LRRC27: variants seen among roughly 807,000 people sequenced by gnomAD.
The protein encoded by LRRC27 is leucine-rich repeat-containing protein 27.
A neutral mutation model predicts 55.0 loss-of-function variants in LRRC27; 57 were observed. The ratio of observed to expected loss-of-function variants is 1.04; its 90% confidence interval spans 0.84 to 1.29. The LOEUF is 1.29. LRRC27 is among the 50% of genes most tolerant of loss of function. LRRC27 has a pLI of 0.00. For missense variants in LRRC27, 721 were observed against 651.5 expected (o/e 1.11, Z -1.16); for synonymous variants, 278 against 251.9 (o/e 1.10, Z -0.98).
chr10:132,337,235 G>A lies in LRRC27; in HGVS notation c.211-330G>A, dbSNP rs921405936. 11 of 1,180,884 alleles carry A rather than the reference G, an allele frequency of 9.3e-6. No homozygotes were observed. In the Admixed American group the frequency reaches 2.3e-4, roughly 24 times the overall value. The allele number at this position is 1,180,884 out of a possible 1,614,324, so 73.2% of individuals were successfully genotyped here. On this transcript the variant is annotated intron_variant, in intron 2 of 10. Coordinates refer to ENST00000368614, the MANE Select transcript of LRRC27 (RefSeq NM_030626.3). ...TGCGGCAGGCACTGGAGAAACGGCC[G>A]AGACACTGAGTGTGGGGCCCCGGAA...
At chr10:132,333,432 C>G in intron 1 of LRRC27, 45 bp from the exon 2 acceptor site, 1 of 864,376 alleles carries the variant, frequency 1.2e-6, no homozygotes, top group Non-Finnish European at 1.7e-6. Context: ...TGTTTTGCCT[C>G]GGTATAATTA....
At chr10:132,349,106 C>T in intron 6 of LRRC27, 2 of 1,273,402 alleles carry the variant, frequency 1.6e-6, no homozygotes, top group South Asian at 1.3e-5. Flanking sequence ...GTGTGTGTGC[C>T]TGTGTGTGTG....
rs1304691974 is a variant in LRRC27 at position 132,380,136 on chromosome 10, A to C, written c.*4894A>C. Among the ~76,000 whole-genome samples, 1 of 152,158 alleles carries C rather than the reference A, an allele frequency of 6.6e-6. No homozygotes were observed. On this transcript the variant is annotated 3_prime_UTR_variant, in exon 11 of 11. Coordinates refer to ENST00000368614, the MANE Select transcript of LRRC27 (RefSeq NM_030626.3). ...ACATGGAGAAACCCCGTGACTACTA[A>C]AAATAAAAAATTAGCCAGGCATGGT...
chr10:132,352,963 G>A, intron 7 of LRRC27: 1 of 1,613,752 alleles, frequency 6.2e-7, no homozygotes, highest in Non-Finnish European at 8.5e-7. Flanking sequence ...TGCTGTGACT[G>A]CCGCCAGTGC....
chr10:132,352,091 G>C (rs2068054182), intron 7 of LRRC27, among the ~76,000 whole-genome samples: 1 of 90,628 alleles, frequency 1.1e-5, no homozygotes. Flanking sequence ...CGCTCCGTGT[G>C]GGGCAGATGC....
In LRRC27 at chr10:132,344,626, C is replaced by T. The variant is rs2138700059; in HGVS notation, c.529C>T (p.Leu177Phe). 1 of 1,613,988 alleles carries T rather than the reference C, an allele frequency of 6.2e-7. No individual in the cohort carries two copies. The highest frequency in any genetic ancestry group is 1.3e-5 in the African/African-American group (1 of 75,058). Residue 177 changes from leucine (L) to phenylalanine (F), a missense_variant, in exon 5 of 11, where the codon CTC becomes TTC. Transcript: ENST00000368614. ...GCGGATGTGGGCAGTAGAACACTCT[C>T]TCCCCAGAAATCCAACTTCTCAAGG... ...FLRMWAVEHS[L>F]PRNPTSQEAP... is the part of the protein sequence containing the mutation.
chr10:132,346,664 TA>T (rs2067711730), intron 5 of LRRC27, among the ~76,000 whole-genome samples: 1 of 152,080 alleles, frequency 6.6e-6, no homozygotes, highest in South Asian at 2.1e-4. Context: ...GATTCCGTCT[TA>T]AAAAAATAAA....
rs373107236 is a variant in LRRC27, at chr10:132,361,552, G to A, written c.1266G>A (p.Ser422=). The change falls in exon 9 of 11, where the codon TCG becomes TCA. Residue 422 remains serine, a synonymous_variant. Coordinates refer to ENST00000368614, the MANE Select transcript of LRRC27 (RefSeq NM_030626.3). ...AAATGAAACCAAGCAAAGAGAAATC[G>A]CCACAAGCAAGTAAAGAAATGAGGT... ...PGKMKPSKEK[S]PQASKEMSAL... The A allele has an allele frequency of 2.8e-5, 45 of 1,613,278 alleles. No homozygotes were observed. The Admixed American group carries it at 4.2e-4, about 15-fold the overall frequency.
intron 2 of LRRC27, chr10:132,337,214 G>T: frequency 8.5e-7 from 1 of 1,175,696 alleles, no homozygotes; most frequent in Admixed American, 4.6e-5. Context: ...AGGTGCTGCG[G>T]CAGGCACTGG....
In LRRC27 at chr10:132,365,517, G is replaced by A. The variant is rs1174628532; in HGVS notation, c.1383G>A (p.Glu461=). The change falls in exon 10 of 11, where the codon GAG becomes GAA. Residue 461 remains glutamate, a synonymous_variant. Coordinates refer to ENST00000368614, the MANE Select transcript of LRRC27 (RefSeq NM_030626.3). ...GATTCCATGGCCAGGCCCCACTGGA[G>A]GAGATGAGGAAGGCTGCCGAGGATC... ...QRRFHGQAPL[E]EMRKAAEDLE... 8 of 1,613,670 alleles carry A rather than the reference G, an allele frequency of 5.0e-6. No homozygotes were observed. The South Asian group carries it at 5.5e-5, about 11-fold the overall frequency.
chr10:132,337,817 T>G (rs936117278), intron 3 of LRRC27, 122 bp downstream of exon 3: 5 of 1,200,110 alleles, frequency 4.2e-6, no homozygotes, highest in Non-Finnish European at 5.7e-6. Flanking sequence ...CATTTAATAG[T>G]ATTTTTAAAG....
In LRRC27 at chr10:132,379,078, C is replaced by T. The variant is rs1185213943; in HGVS notation, c.*3836C>T. The T allele has an allele frequency of 6.8e-6, 1 of 148,042 alleles. No homozygotes were observed. Among genetic ancestry groups the T allele is most frequent in the Non-Finnish European group, 1.5e-5 (1 of 68,126 alleles). The allele number at this position is 148,042 out of a possible 1,614,324, so 9.2% of individuals were successfully genotyped here. ...TGCTCATCTCCAGCATTTCCTCTCA[C>T]CTCTGTGTTCTCGGGGAGTGCGTGG... On this transcript the variant is annotated 3_prime_UTR_variant, in exon 11 of 11. Coordinates refer to ENST00000368614, the MANE Select transcript of LRRC27 (RefSeq NM_030626.3).
intron 3 of LRRC27, among the ~76,000 whole-genome samples, chr10:132,338,810 A>G (rs890420092): frequency 2.6e-5 from 4 of 150,990 alleles, no homozygotes; most frequent in East Asian, 3.9e-4. Context: ...CCTGGTTTCA[A>G]GCGATCCTCT....
chr10:132,336,384 A>G (rs1187666332), intron 2 of LRRC27, among the ~76,000 whole-genome samples: 4 of 152,228 alleles, frequency 2.6e-5, no homozygotes, highest in African/African-American at 4.8e-5. Flanking sequence ...AGACCGAGCC[A>G]GCTGCCAGCA....
At chr10:132,345,823 G>C (rs375397653) in intron 5 of LRRC27, among the ~76,000 whole-genome samples, 1 of 152,160 alleles carries the variant, frequency 6.6e-6, no homozygotes, top group African/African-American at 2.4e-5. Flanking sequence ...GGAGGATCAG[G>C]ATAAAAAAGA....
rs1590663019 is a variant in LRRC27, at chr10:132,351,771, G to A, written c.1073+18G>A. ...CAGAGACGGTGAGTCCACACAGGGTGGGGGTCCGCACAGCCCGCCCAGTGC... is the reference window on the plus strand; with the variant it reads ...CAGAGACGGTGAGTCCACACAGGGTAGGGGTCCGCACAGCCCGCCCAGTGC... On this transcript the variant is annotated intron_variant, in intron 7 of 10. Transcript: ENST00000368614. 3 of 1,603,950 alleles carry A rather than the reference G, an allele frequency of 1.9e-6. No homozygotes were observed. The highest frequency in any genetic ancestry group is 4.5e-5 in the East Asian group (2 of 44,680).
At chr10:132,351,065 C>G (rs1239347544) in intron 6 of LRRC27, 2 of 156,996 alleles carry the variant, frequency 1.3e-5, no homozygotes, top group African/African-American at 2.4e-5. Context: ...GTATCTGACC[C>G]TGCCTGAATG....
intron 1 of LRRC27, among the ~76,000 whole-genome samples, chr10:132,333,263 C>T (rs2066910863): frequency 6.6e-6 from 1 of 151,648 alleles, no homozygotes; most frequent in Non-Finnish European, 1.5e-5. Flanking sequence ...TCTTGGAACT[C>T]CATTGTACAA....
chr10:132,342,329 C>A (rs929043771), intron 4 of LRRC27, 58 bp downstream of exon 4: 5 of 1,115,308 alleles, frequency 4.5e-6, no homozygotes, highest in Non-Finnish European at 6.4e-6. Flanking sequence ...ACTTGCCAGA[C>A]CTTGTAATGG....
Sources: allele counts gnomAD v4.1 joint callset (sites outside exome capture counted in the v4.1 genomes callset), GRCh38; gene constraint gnomAD v4.1.1; transcripts MANE v1.5; gene names NCBI Gene and HGNC (gene_info 2026-07-23, HGNC 2026-07-21).